Variants in WDR49 observed in about 807,000 individuals in gnomAD.
WDR49 encodes the protein WD repeat domain 49, also known as cilia- and flagella-associated protein 337.
WDR49 carries 107 observed loss-of-function variants against 119.5 expected under a neutral mutation model. The ratio of observed to expected loss-of-function variants is 0.90; its 90% CI spans 0.77 to 1.05. The LOEUF is 1.05. WDR49 is among the 50% of genes least tolerant of loss of function. WDR49 has a pLI of 0.00. For missense variants in WDR49, 1,240 were observed against 1,220.5 expected (o/e 1.02, Z -0.24); for synonymous variants, 425 against 418.8 (o/e 1.01, Z -0.18).
rs555638010 is a variant in WDR49 at position 167,484,695 on chromosome 3, A to G, written c.3032-5699T>C. Among the ~76,000 whole-genome samples the G allele has an allele frequency of 2.6e-5, 4 of 151,910 alleles. No homozygotes were observed. In the South Asian group the frequency reaches 6.2e-4, roughly 24 times the overall value. ...CACTATCACAGGATGATGGCAAAAAAAAAAAAAAAAAGTGATGTGTTCTTT... is the reference window on the plus strand; with the variant it reads ...CACTATCACAGGATGATGGCAAAAAGAAAAAAAAAAAGTGATGTGTTCTTT... On this transcript the variant is annotated intron_variant, in intron 18 of 18. Coordinates refer to ENST00000682715, the MANE Select transcript of WDR49 (RefSeq NM_001366157.1).
intron 7 of WDR49, among the ~76,000 whole-genome samples, chr3:167,583,352 A>C (rs1450720749): frequency 3.3e-5 from 5 of 152,264 alleles, no homozygotes; most frequent in Admixed American, 3.3e-4. Context: ...ATTAAAAACT[A>C]GGTTTTTGTA....
At chr3:167,650,216 C>A (rs1718309346) in intron 2 of WDR49, among the ~76,000 whole-genome samples, 1 of 152,136 alleles carries the variant, frequency 6.6e-6, no homozygotes, top group Non-Finnish European at 1.5e-5. Flanking sequence ...ATCAGCAAAC[C>A]ACAGCTACTC....
chr3:167,493,651 C>T (rs754419621), intron 18 of WDR49, among the ~76,000 whole-genome samples: 19 of 152,136 alleles, frequency 1.2e-4, no homozygotes, highest in Admixed American at 3.3e-4. Context: ...CTGTTTACTT[C>T]TTACTAGTCA....
At chr3:167,602,566 C>T (rs994844182) in intron 6 of WDR49, among the ~76,000 whole-genome samples, 8 of 152,014 alleles carry the variant, frequency 5.3e-5, no homozygotes, top group African/African-American at 1.9e-4. Context: ...AACCAACAGC[C>T]TAACCAGGAG....
intron 7 of WDR49, among the ~76,000 whole-genome samples, chr3:167,579,239 A>C (rs1714414105): frequency 6.6e-6 from 1 of 152,148 alleles, no homozygotes; most frequent in South Asian, 2.1e-4. Context: ...TAATACAGAC[A>C]TAGGTAGTGT....
intron 7 of WDR49, among the ~76,000 whole-genome samples, chr3:167,581,867 C>A (rs1247160415): frequency 6.6e-6 from 1 of 152,096 alleles, no homozygotes; most frequent in Non-Finnish European, 1.5e-5. Flanking sequence ...TTTGTAATTT[C>A]CTCATAAAGG....
intron 11 of WDR49, among the ~76,000 whole-genome samples, chr3:167,534,634 A>G (rs566000967): frequency 3.9e-5 from 6 of 152,304 alleles, no homozygotes; most frequent in African/African-American, 1.2e-4. Flanking sequence ...GTAAGTTTTC[A>G]TTCCTCTTAA....
intron 5 of WDR49, among the ~76,000 whole-genome samples, chr3:167,614,036 G>T (rs911157263): frequency 7.2e-5 from 11 of 151,788 alleles, no homozygotes; most frequent in African/African-American, 2.7e-4. Context: ...CATTTTCAAC[G>T]CAATAAAATA....
chr3:167,623,628 TA>T (rs71176652), intron 3 of WDR49, among the ~76,000 whole-genome samples: 130,844 of 151,860 alleles, frequency 0.86, 56,913 homozygotes, highest in African/African-American at 0.97. Context: ...ACATTCCCCA[TA>T]AAGATCAGAA....
intron 13 of WDR49, among the ~76,000 whole-genome samples, chr3:167,530,818 G>A (rs1157187928): frequency 6.6e-6 from 1 of 152,064 alleles, no homozygotes; most frequent in Non-Finnish European, 1.5e-5. Context: ...TTTATGACAG[G>A]TCTGGGACAA....
intron 8 of WDR49, among the ~76,000 whole-genome samples, chr3:167,573,850 C>T (rs1286734930): frequency 2.0e-5 from 3 of 152,160 alleles, no homozygotes; most frequent in Non-Finnish European, 2.9e-5. Flanking sequence ...GCAAAGTATT[C>T]CCAAACTTGC....
intron 8 of WDR49, among the ~76,000 whole-genome samples, chr3:167,572,332 T>G (rs1713979016): frequency 6.6e-6 from 1 of 152,136 alleles, no homozygotes; most frequent in Non-Finnish European, 1.5e-5. Context: ...GGAAGATAAA[T>G]AAAAGTCACG....
At chr3:167,640,374 G>GT (rs1293198015) in intron 2 of WDR49, among the ~76,000 whole-genome samples, 4 of 151,922 alleles carry the variant, frequency 2.6e-5, no homozygotes, top group African/African-American at 7.2e-5. Flanking sequence ...ATTGCCATCT[G>GT]TTTTTTGCTA....
intron 16 of WDR49, among the ~76,000 whole-genome samples, chr3:167,517,962 C>T (rs1437933701): frequency 6.6e-6 from 1 of 151,806 alleles, no homozygotes; most frequent in African/African-American, 2.4e-5. Context: ...TCAATTCCCA[C>T]CTATGAGTGA....
upstream of WDR49, among the ~76,000 whole-genome samples, chr3:167,655,335 C>CTGCCCAACTGTATCA (rs1470914431): frequency 6.6e-6 from 1 of 152,236 alleles, no homozygotes; most frequent in Non-Finnish European, 1.5e-5. Context: ...GGTGGGGACA[C>CTGCCCAACTGTATCA]TGCCCAACTG....
intron 2 of WDR49, among the ~76,000 whole-genome samples, chr3:167,652,621 GAA>G (rs1265619160): frequency 2.0e-5 from 3 of 152,128 alleles, no homozygotes; most frequent in Non-Finnish European, 2.9e-5. Flanking sequence ...TAAGAGAGAA[GAA>G]AATTATTCAT....
intron 7 of WDR49, among the ~76,000 whole-genome samples, chr3:167,580,421 G>A (rs1714474824): frequency 1.3e-5 from 2 of 152,130 alleles, no homozygotes; most frequent in African/African-American, 4.8e-5. Context: ...TGATGCTCGA[G>A]AAATCTCCTA....
At chr3:167,495,353 A>T (rs60186130) in intron 18 of WDR49, among the ~76,000 whole-genome samples, 26,979 of 151,796 alleles carry the variant, frequency 0.18, 3,583 homozygotes, top group African/African-American at 0.38. Context: ...AAAGTATATA[A>T]ATATGTGTGT....
chr3:167,497,581 A>G (rs566369878), intron 18 of WDR49, among the ~76,000 whole-genome samples: 1 of 152,270 alleles, frequency 6.6e-6, no homozygotes, highest in South Asian at 2.1e-4. Flanking sequence ...ATTATATAAA[A>G]GATTCTTCAT....
Sources: gnomAD v4.1 joint callset for allele counts (sites outside exome capture counted in the v4.1 genomes callset) on GRCh38, gnomAD v4.1.1 for gene constraint, MANE v1.5 for transcripts, NCBI Gene and HGNC (gene_info 2026-07-23, HGNC 2026-07-21) for gene names.